The following ZNF729 variants were observed in gnomAD, a reference collection of about 807,000 sequenced individuals.
ZNF729 encodes the protein zinc finger protein 729.
A neutral mutation model predicts 12.2 loss-of-function variants in ZNF729; 15 were observed. The ratio of observed to expected loss-of-function variants is 1.23; its 90% CI spans 0.82 to 1.89. ZNF729 has a LOEUF of 1.89. ZNF729 is among the 40% of genes most tolerant of loss of function. ZNF729 has a pLI of 0.00. For missense variants in ZNF729, 1,540 were observed against 1,456.7 expected, an observed-to-expected ratio of 1.06 and a Z score of -0.93; for synonymous variants, 492 against 476.3, an observed-to-expected ratio of 1.03 and a Z score of -0.43.
At chr19:22,297,816 C>A (rs1968248896) in intron 1 of ZNF729, among the ~76,000 whole-genome samples, 1 of 151,762 alleles carries the variant, frequency 6.6e-6, no homozygotes, top group African/African-American at 2.4e-5. Flanking sequence ...CCAGTCTGAC[C>A]AACATGGAGA....
intron 3 of ZNF729, among the ~76,000 whole-genome samples, chr19:22,313,275 C>T (rs1968473459): frequency 6.6e-6 from 1 of 152,092 alleles, no homozygotes; most frequent in African/African-American, 2.4e-5. Flanking sequence ...TGGTCTTGAA[C>T]TCTTGATCTC....
At chr19:22,308,842 T>A (rs1188285524) in intron 3 of ZNF729, among the ~76,000 whole-genome samples, 3 of 152,190 alleles carry the variant, frequency 2.0e-5, no homozygotes, top group Non-Finnish European at 4.4e-5. Context: ...TGCTGTTTCT[T>A]TTGCCTTGCA....
chr19:22,316,738 C>T lies in ZNF729; in HGVS notation c.3321C>T (p.Asp1107=), dbSNP rs530756738. 56 of 1,545,408 alleles carry T rather than the reference C, an allele frequency of 3.6e-5. No homozygotes were observed. The Admixed American group carries it at 7.0e-4, about 19-fold the overall frequency. Residue 1107 remains aspartate, a synonymous_variant, in exon 4 of 4, where the codon GAC becomes GAT. Transcript: ENST00000601693. ...IHTGKKPYQC[D]ECGKAFNNSS... The stretch of plus-strand genomic sequence containing the variant: ...CTGGAAAGAAACCCTACCAATGTGA[C>T]GAATGTGGCAAAGCTTTTAACAATT...
chr19:22,295,041 TG>T (rs1968211222), intron 1 of ZNF729, among the ~76,000 whole-genome samples: 1 of 121,906 alleles, frequency 8.2e-6, no homozygotes. Context: ...TAGATATTTG[TG>T]TGTGTGTGTG....
intron 1 of ZNF729, among the ~76,000 whole-genome samples, chr19:22,297,327 A>G (rs1968241476): frequency 6.6e-6 from 1 of 150,738 alleles, no homozygotes; most frequent in Non-Finnish European, 1.5e-5. Flanking sequence ...AAGTGCACAC[A>G]GTGTGCCCAA....
intron 1 of ZNF729, 96 bp downstream of exon 1, chr19:22,286,651 G>A: frequency 1.3e-6 from 2 of 1,483,192 alleles, no homozygotes; most frequent in Non-Finnish European, 1.9e-6. Context: ...CCCGCAGTCA[G>A]CTCCACAATC....
chr19:22,294,634 A>T, intron 1 of ZNF729, among the ~76,000 whole-genome samples: 1 of 136,996 alleles, frequency 7.3e-6, no homozygotes. Context: ...GTTATCTCGG[A>T]CTTTTTTTTT....
chr19:22,315,858 A>G lies in ZNF729; in HGVS notation c.2441A>G (p.His814Arg). The change falls in exon 4 of 4, where the codon CAT (histidine) becomes CGT (arginine). Residue 814 changes from histidine to arginine, a missense_variant. Transcript: ENST00000601693. The stretch of plus-strand genomic sequence containing the variant: ...AAGTGGTCCTCAAAGCTTACTGTAC[A>G]TAAGGTAATTCATACTGGAGAGAAA... ...AFKWSSKLTVHKVIHTGEKPC... is the reference protein window; with the variant it reads ...AFKWSSKLTVRKVIHTGEKPC... The G allele has an allele frequency of 5.0e-6, 8 of 1,611,412 alleles. No individual in the cohort carries two copies. The highest frequency in any genetic ancestry group is 6.8e-6 in the Non-Finnish European group (8 of 1,179,728).
rs1431254763 is a variant in ZNF729, at chr19:22,316,860, C to T, written c.3443C>T (p.Thr1148Ile). The change falls in exon 4 of 4, where the codon ACT becomes ATT. Residue 1148 changes from threonine (T) to isoleucine (I), a missense_variant. Thr to Ile is a moderately conservative substitution (Grantham distance 89). Transcript: ENST00000601693. ...GKAFSQSSILTKHKIIHSVEK... is the reference protein window; with the variant it reads ...GKAFSQSSILIKHKIIHSVEK... ...GCCTTTAGTCAGTCCTCAATCCTTACTAAACATAAGATAATTCATTCTGTA... is the reference window on the plus strand; with the variant it reads ...GCCTTTAGTCAGTCCTCAATCCTTATTAAACATAAGATAATTCATTCTGTA... The T allele has an allele frequency of 1.2e-6, 2 of 1,612,006 alleles. No homozygotes were observed. The highest frequency in any genetic ancestry group is 2.2e-5 in the East Asian group (1 of 44,732).
Position 22,304,711 on chromosome 19 carries a change from T to G in ZNF729, c.181T>G (p.Leu61Val), listed in dbSNP as rs1568574414. The change falls in exon 3 of 4, where the codon TTG becomes GTG. Residue 61 changes from leucine (L) to valine (V), a missense_variant. Coordinates refer to ENST00000601693, the MANE Select transcript of ZNF729 (RefSeq NM_001242680.2). Reference protein sequence around the residue: ...FLGMAVFKPDLITCLKQGKEP... With the variant: ...FLGMAVFKPDVITCLKQGKEP... ...AGGTATGGCTGTCTTTAAGCCAGAC[T>G]TGATAACTTGTCTGAAGCAAGGGAA... 5 of 1,613,222 alleles carry G rather than the reference T, an allele frequency of 3.1e-6. No homozygotes were observed. Among genetic ancestry groups the G allele is most frequent in the South Asian group, 2.2e-5 (2 of 90,836 alleles).
chr19:22,316,606 T>G lies in ZNF729; in HGVS notation c.3189T>G (p.Leu1063=). ...AAGCTTTTAAGTGGTCCTCAAAACT[T>G]ACTGAACATAAGGTAATTCATACTG... The part of the protein sequence containing the change: ...CGKAFKWSSK[L]TEHKVIHTGE... The change falls in exon 4 of 4, where the codon CTT becomes CTG. Residue 1063 remains leucine (L), a synonymous_variant. Transcript: ENST00000601693. The G allele has an allele frequency of 2.5e-6, 4 of 1,613,078 alleles. No homozygotes were observed. In the South Asian group the frequency reaches 4.4e-5, roughly 18 times the overall value.
At chr19:22,313,373 C>G (rs1008527663) in intron 3 of ZNF729, among the ~76,000 whole-genome samples, 1 of 152,166 alleles carries the variant, frequency 6.6e-6, no homozygotes, top group South Asian at 2.1e-4. Context: ...TCTAAAGAGC[C>G]TATGCTATTT....
chr19:22,307,119 A>T (rs1968387821), intron 3 of ZNF729, among the ~76,000 whole-genome samples: 1 of 151,624 alleles, frequency 6.6e-6, no homozygotes, highest in African/African-American at 2.4e-5. Flanking sequence ...ATATTTATAT[A>T]TGGGTTTTTG....
chr19:22,294,870 T>A (rs1039795357), intron 1 of ZNF729, among the ~76,000 whole-genome samples: 2 of 152,010 alleles, frequency 1.3e-5, no homozygotes, highest in African/African-American at 4.8e-5. Context: ...TTGGCCAGGC[T>A]GGTTTCGATC....
chr19:22,287,465 C>G (rs1968094855), intron 1 of ZNF729, among the ~76,000 whole-genome samples: 1 of 151,916 alleles, frequency 6.6e-6, no homozygotes, highest in African/African-American at 2.4e-5. Flanking sequence ...GGGGGTTTCT[C>G]CATTTTGGTC....
At chr19:22,301,224 C>T (rs951341625) in intron 1 of ZNF729, among the ~76,000 whole-genome samples, 1 of 152,186 alleles carries the variant, frequency 6.6e-6, no homozygotes, top group Non-Finnish European at 1.5e-5. Flanking sequence ...TCAACCCACT[C>T]TCTGTCCATC....
At chr19:22,293,397 G>A (rs1282497963) in intron 1 of ZNF729, among the ~76,000 whole-genome samples, 1 of 151,664 alleles carries the variant, frequency 6.6e-6, no homozygotes, top group South Asian at 2.1e-4. Context: ...TGTTGGCCAG[G>A]CTGGTCTCAA....
intron 1 of ZNF729, among the ~76,000 whole-genome samples, chr19:22,287,809 T>C (rs1418639525): frequency 6.6e-6 from 1 of 151,858 alleles, no homozygotes; most frequent in African/African-American, 2.4e-5. Flanking sequence ...CCTTCCCAAA[T>C]GTCAATTTTT....
chr19:22,286,649 C>G (rs935582805), intron 1 of ZNF729, 94 bp downstream of exon 1: 2 of 1,486,460 alleles, frequency 1.3e-6, no homozygotes, highest in African/African-American at 2.8e-5. Context: ...TCCCCGCAGT[C>G]AGCTCCACAA....
Sources: gnomAD v4.1 joint callset for allele counts (sites outside exome capture counted in the v4.1 genomes callset) on GRCh38, gnomAD v4.1.1 for gene constraint, MANE v1.5 for transcripts, NCBI Gene and HGNC (gene_info 2026-07-23, HGNC 2026-07-21) for gene names.